Variants in MNAT1 observed in about 807,000 individuals in gnomAD.
MNAT1 encodes the protein CDK-activating kinase assembly factor MAT1.
A neutral mutation model predicts 42.0 loss-of-function variants in MNAT1; 43 were observed. That is an observed-to-expected ratio of 1.02 (90% CI 0.80 to 1.32). The LOEUF (loss-of-function observed/expected upper bound fraction) is 1.32, where lower values mean the gene tolerates loss of function less well. Among genes scored for constraint, MNAT1 ranks in the 40% most tolerant of loss-of-function variants. The pLI is 0.00. For missense variants in MNAT1, 306 were observed against 350.4 expected, an observed-to-expected ratio of 0.87 and a Z score of 1.01; for synonymous variants, 118 against 120.0, an observed-to-expected ratio of 0.98 and a Z score of 0.11.
intron 1 of MNAT1, among the ~76,000 whole-genome samples, chr14:60,756,494 T>A (rs2030355941): frequency 1.3e-5 from 2 of 152,288 alleles, no homozygotes; most frequent in Middle Eastern, 3.4e-3. Flanking sequence ...GGAAGAATTT[T>A]AAAAAATAGT....
At chr14:60,853,487 G>T (rs1044138256) in intron 6 of MNAT1, among the ~76,000 whole-genome samples, 3 of 152,154 alleles carry the variant, frequency 2.0e-5, no homozygotes, top group African/African-American at 2.4e-5. Context: ...CATGTCATCT[G>T]CAAACAGAGA....
chr14:60,802,868 T>G (rs2032248622), intron 3 of MNAT1, among the ~76,000 whole-genome samples: 1 of 152,104 alleles, frequency 6.6e-6, no homozygotes, highest in Non-Finnish European at 1.5e-5. Flanking sequence ...TTAAGTTTTG[T>G]TAGAGTGTGG....
intron 1 of MNAT1, chr14:60,780,018 G>A (rs1336391170): frequency 4.5e-6 from 7 of 1,560,780 alleles, no homozygotes; most frequent in East Asian, 4.5e-5. Context: ...ATCACCCTGC[G>A]TGGGAGTGCC....
chr14:60,756,305 A>G (rs1229140926), intron 1 of MNAT1, among the ~76,000 whole-genome samples: 1 of 152,240 alleles, frequency 6.6e-6, no homozygotes, highest in Non-Finnish European at 1.5e-5. Context: ...AAAAAAGTTT[A>G]GAATAGAACT....
At chr14:60,860,068 A>G (rs1287372494) in intron 6 of MNAT1, among the ~76,000 whole-genome samples, 2 of 152,154 alleles carry the variant, frequency 1.3e-5, no homozygotes, top group Non-Finnish European at 2.9e-5. Context: ...TGTTTTGTAT[A>G]TTGTCAGTCT....
intron 7 of MNAT1, among the ~76,000 whole-genome samples, chr14:60,946,392 A>G (rs1004544107): frequency 1.3e-5 from 2 of 152,198 alleles, no homozygotes; most frequent in African/African-American, 4.8e-5. Flanking sequence ...CTGATTCACA[A>G]TCGACTTGCT....
rs1171826058 is a variant in MNAT1, at chr14:60,943,534, T to C, written c.810-24695T>C. On this transcript the variant is annotated intron_variant, in intron 7 of 7. Coordinates refer to ENST00000261245, the MANE Select transcript of MNAT1 (RefSeq NM_002431.4). ...ATCTTTCAACTGTTTGTTTTTGTTT[T>C]TCATATCATCTCGTTAGAGTCAATT... Among the ~76,000 whole-genome samples, 3 of 152,192 alleles carry C rather than the reference T, an allele frequency of 2.0e-5. No individual in the cohort carries two copies. In the East Asian group the frequency reaches 5.8e-4, roughly 29 times the overall value.
chr14:60,758,125 C>T (rs1023287399), intron 1 of MNAT1, among the ~76,000 whole-genome samples: 2 of 152,110 alleles, frequency 1.3e-5, no homozygotes, highest in African/African-American at 4.8e-5. Context: ...GTGCCCATAA[C>T]TGTCTCCTTA....
At position 60,746,778 on chromosome 14, in the gene MNAT1, C is replaced by T. The variant is rs776919958; in HGVS notation, c.89+11827C>T. On this transcript the variant is annotated intron_variant, in intron 1 of 7. Coordinates refer to ENST00000261245, the MANE Select transcript of MNAT1 (RefSeq NM_002431.4). ...CTAATATACTTAGTTACTTACTGAG[C>T]GTAACTTATAGTTCTTTAAAACTAT... 3.4e-5 allele frequency among the ~76,000 whole-genome samples: 5 copies of T among 149,076 alleles called. No individual in the cohort carries two copies. In the South Asian group the frequency reaches 8.5e-4, roughly 25 times the overall value.
intron 6 of MNAT1, among the ~76,000 whole-genome samples, chr14:60,832,266 A>C (rs1473974807): frequency 6.6e-6 from 1 of 152,080 alleles, no homozygotes; most frequent in Non-Finnish European, 1.5e-5. Flanking sequence ...CCTATGTCCT[A>C]AATGATATTA....
rs138162885 is a variant in MNAT1 at position 60,910,132 on chromosome 14, G to T, written c.809+30297G>T. Reference sequence around the variant, plus strand: ...ATGATTTGGCTCTCTGTTTGTCTGTGACTGGTGTATAAGAATGCTTGTGAT... The same window carrying T: ...ATGATTTGGCTCTCTGTTTGTCTGTTACTGGTGTATAAGAATGCTTGTGAT... On this transcript the variant is annotated intron_variant, in intron 7 of 7. Transcript: ENST00000261245. Among the ~76,000 whole-genome samples the T allele has an allele frequency of 9.0e-3, 1,373 of 152,152 alleles. 36 individuals are homozygous for T. Among genetic ancestry groups the T allele is most frequent in the African/African-American group, 0.031 (1,282 of 41,500 alleles).
intron 1 of MNAT1, among the ~76,000 whole-genome samples, chr14:60,758,112 G>A (rs991853262): frequency 2.6e-5 from 4 of 151,942 alleles, no homozygotes; most frequent in Admixed American, 2.0e-4. Context: ...GCCCTACGAA[G>A]TTGTGCCCAT....
chr14:60,791,610 T>G (rs1456652279), intron 1 of MNAT1, among the ~76,000 whole-genome samples: 5 of 152,162 alleles, frequency 3.3e-5, no homozygotes, highest in Non-Finnish European at 5.9e-5. Context: ...ACATTCCTAT[T>G]TTAGTTGCTG....
intron 6 of MNAT1, among the ~76,000 whole-genome samples, chr14:60,838,826 C>T (rs1269240555): frequency 2.0e-5 from 3 of 152,130 alleles, no homozygotes; most frequent in Non-Finnish European, 4.4e-5. Context: ...CCTTTTCCTG[C>T]TCCCTGAGCC....
intron 7 of MNAT1, among the ~76,000 whole-genome samples, chr14:60,923,474 T>G (rs1250110180): frequency 6.6e-6 from 1 of 152,222 alleles, no homozygotes; most frequent in Non-Finnish European, 1.5e-5. Context: ...ACCTACTATA[T>G]CTTATCTTTA....
At chr14:60,904,384 T>C (rs2035147430) in intron 7 of MNAT1, among the ~76,000 whole-genome samples, 1 of 152,210 alleles carries the variant, frequency 6.6e-6, no homozygotes, top group South Asian at 2.1e-4. Flanking sequence ...TTTTTGTTTG[T>C]TTGTTTTTGG....
In MNAT1 at chr14:60,767,657, A is replaced by G. The variant is rs377605633; in HGVS notation, c.90-28560A>G. Among the ~76,000 whole-genome samples the G allele has an allele frequency of 3.7e-4, 57 of 152,154 alleles. 1 individual carries two copies. In the East Asian group the frequency reaches 6.0e-3, roughly 16 times the overall value. ...GCTCTGTTGCCCAGGCAAGAGTGCAATGGTGTGATCTTGGCTCATCGCAAC... is the reference window on the plus strand; with the variant it reads ...GCTCTGTTGCCCAGGCAAGAGTGCAGTGGTGTGATCTTGGCTCATCGCAAC... On this transcript the variant is annotated intron_variant, in intron 1 of 7. Transcript: ENST00000261245.
intron 7 of MNAT1, among the ~76,000 whole-genome samples, chr14:60,880,388 C>T (rs181834985): frequency 4.5e-4 from 69 of 152,238 alleles, no homozygotes; most frequent in Admixed American, 6.5e-4. Context: ...GTTATAGTCT[C>T]TCTCATGGGA....
intron 7 of MNAT1, among the ~76,000 whole-genome samples, chr14:60,921,584 T>C (rs2035660775): frequency 6.6e-6 from 1 of 152,184 alleles, no homozygotes; most frequent in Non-Finnish European, 1.5e-5. Context: ...AAGCCACTGT[T>C]ACTACTCCCC....
Sources: allele counts gnomAD v4.1 joint callset (sites outside exome capture counted in the v4.1 genomes callset), GRCh38; gene constraint gnomAD v4.1.1; transcripts MANE v1.5; gene names NCBI Gene and HGNC (gene_info 2026-07-23, HGNC 2026-07-21).